The following PCDHGA12 variants were observed in gnomAD, a reference collection of about 807,000 sequenced individuals.
PCDHGA12 encodes the protein protocadherin gamma-A12.
Under a neutral mutation model 61.1 loss-of-function variants are expected in PCDHGA12, and 43 were observed. The ratio of observed to expected loss-of-function variants is 0.70; its 90% CI spans 0.55 to 0.91. The LOEUF (loss-of-function observed/expected upper bound fraction) is 0.91, where lower values mean the gene tolerates loss of function less well. Ranked by LOEUF, PCDHGA12 falls within the 40% of genes least tolerant of loss-of-function variation. PCDHGA12 has a pLI of 0.00. For synonymous variants in PCDHGA12, 520 were observed against 542.9 expected (o/e 0.96, Z 0.59); for missense variants, 1,236 against 1,227.7 (o/e 1.01, Z -0.10).
intron 1 of PCDHGA12, among the ~76,000 whole-genome samples, chr5:141,454,731 G>T (rs1249851832): frequency 6.7e-6 from 1 of 150,262 alleles, no homozygotes; most frequent in Non-Finnish European, 1.5e-5. Context: ...ATATGTTATA[G>T]GATGAAAAGA....
rs1187072972 is a variant in PCDHGA12 at position 141,487,553 on chromosome 5, C to T, written c.2425-7254C>T. 4 of 1,614,050 alleles carry T rather than the reference C, an allele frequency of 2.5e-6. No individual in the cohort carries two copies. The African/African-American group carries it at 4.0e-5, about 16-fold the overall frequency. On this transcript the variant is annotated intron_variant, in intron 1 of 3. Coordinates refer to ENST00000252085, the MANE Select transcript of PCDHGA12 (RefSeq NM_003735.3). The surrounding 1 kb of genome is among the most constrained non-coding windows in gnomAD (Gnocchi z 5.0). ...CATGATGGTGAAGTCACCCAGTGCA[C>T]CTATGGCAGGGGAGCCTGTTCGCCC...
chr5:141,483,764 A>G (rs1170910094), intron 1 of PCDHGA12, among the ~76,000 whole-genome samples: 1 of 152,104 alleles, frequency 6.6e-6, no homozygotes, highest in East Asian at 1.9e-4. Context: ...AGGCTTGGAA[A>G]AATATTGGGG....
At chr5:141,454,931 C>T (rs2154564856) in intron 1 of PCDHGA12, among the ~76,000 whole-genome samples, 2 of 151,066 alleles carry the variant, frequency 1.3e-5, no homozygotes, top group South Asian at 4.2e-4. Context: ...CCTCAGCCTC[C>T]CGAGTAGCTG....
intron 2 of PCDHGA12, among the ~76,000 whole-genome samples, chr5:141,502,719 C>G (rs1242423173): frequency 1.3e-5 from 2 of 152,190 alleles, no homozygotes; most frequent in Non-Finnish European, 2.9e-5. Flanking sequence ...TCAGTGATTA[C>G]AAAGCGGTGA....
intron 1 of PCDHGA12, among the ~76,000 whole-genome samples, chr5:141,444,771 T>C (rs987549188): frequency 6.6e-6 from 1 of 152,246 alleles, no homozygotes; most frequent in African/African-American, 2.4e-5. Context: ...TTCTATATTC[T>C]TGATCATGTT....
At chr5:141,501,329 ACACAC>A (rs1562200854) in intron 2 of PCDHGA12, among the ~76,000 whole-genome samples, 2 of 148,226 alleles carry the variant, frequency 1.3e-5, no homozygotes, top group Non-Finnish European at 3.0e-5. Flanking sequence ...ACACACACAC[ACACAC>A]CCCAAACTCA....
intron 1 of PCDHGA12, among the ~76,000 whole-genome samples, chr5:141,471,778 A>T (rs2099264151): frequency 6.6e-6 from 1 of 152,244 alleles, no homozygotes; most frequent in Non-Finnish European, 1.5e-5. Flanking sequence ...TGAGTTTGAC[A>T]TTATGCTATG....
chr5:141,432,991 C>G lies in PCDHGA12; in HGVS notation c.2232C>G (p.Asp744Glu), dbSNP rs1269992849. ...CGGCGTCGCACTTTGTGGGCGTGGACGGGGTGCAGGCTTTCCTGCAGACCT... is the reference window on the plus strand; with the variant it reads ...CGGCGTCGCACTTTGTGGGCGTGGAGGGGGTGCAGGCTTTCCTGCAGACCT... ...GAPASHFVGV[D>E]GVQAFLQTYS... Residue 744 changes from aspartate (D) to glutamate (E), a missense_variant, in exon 1 of 4, where the codon GAC becomes GAG. Physicochemically the swap from Asp to Glu is conservative, Grantham distance 45 (BLOSUM62 2). Transcript: ENST00000252085. The surrounding 1 kb of genome is among the most constrained non-coding windows in gnomAD (Gnocchi z 6.0). The G allele has an allele frequency of 6.2e-7, 1 of 1,614,200 alleles. No homozygotes were observed. Among genetic ancestry groups the G allele is most frequent in the Admixed American group, 1.7e-5 (1 of 60,032 alleles).
At chr5:141,498,971 G>GGGAGGGAAGGAAGGAA (rs2099787588) in intron 2 of PCDHGA12, among the ~76,000 whole-genome samples, 1 of 110,970 alleles carries the variant, frequency 9.0e-6, no homozygotes, top group African/African-American at 3.6e-5. Flanking sequence ...GAGGGAGGGA[G>GGGAGGGAAGGAAGGAA]GGAAGGAAGG....
chr5:141,433,555 G>C (rs1434189062), intron 1 of PCDHGA12, among the ~76,000 whole-genome samples: 1 of 152,088 alleles, frequency 6.6e-6, no homozygotes, highest in African/African-American at 2.4e-5. Flanking sequence ...TTCTTTTCTG[G>C]CTGGGCGCGG....
At chr5:141,443,547 T>C (rs1210940890) in intron 1 of PCDHGA12, among the ~76,000 whole-genome samples, 2 of 152,192 alleles carry the variant, frequency 1.3e-5, no homozygotes, top group Non-Finnish European at 2.9e-5. Context: ...TGGGAAATTG[T>C]TCCAATTCAA....
intron 1 of PCDHGA12, among the ~76,000 whole-genome samples, chr5:141,492,409 C>T (rs1367119266): frequency 6.6e-6 from 1 of 152,230 alleles, no homozygotes. Context: ...TCCCCTCTGC[C>T]GCTCCCTCCG....
chr5:141,480,241 A>C (rs895691864), intron 1 of PCDHGA12, among the ~76,000 whole-genome samples: 58 of 97,306 alleles, frequency 6.0e-4, no homozygotes, highest in African/African-American at 2.2e-3. Context: ...CTGTCTCTAC[A>C]AAAAAAAAAA....
chr5:141,431,617 C>A lies in PCDHGA12; in HGVS notation c.858C>A (p.Asp286Glu). ...EVRYSFRYVD[D>E]KAAQVFKLDC... ...GGTATTCCTTCCGGTATGTGGACGA[C>A]AAGGCGGCCCAAGTTTTCAAACTAG... The change falls in exon 1 of 4, where the codon GAC becomes GAA. Residue 286 changes from aspartate to glutamate, a missense_variant. Asp to Glu is a conservative substitution (Grantham distance 45). Coordinates refer to ENST00000252085, the MANE Select transcript of PCDHGA12 (RefSeq NM_003735.3). This position sits in a 1 kb window ranked among gnomAD's most constrained non-coding sequence, Gnocchi z 4.8. 6.2e-7 allele frequency: 1 copy of A among 1,614,236 alleles called. No homozygotes were observed. Among genetic ancestry groups the A allele is most frequent in the Non-Finnish European group, 8.5e-7 (1 of 1,180,044 alleles).
In PCDHGA12 at chr5:141,511,286, G is replaced by A. The variant is rs1231704933; in HGVS notation, c.*113G>A. On this transcript the variant is annotated 3_prime_UTR_variant, in exon 4 of 4. Coordinates refer to ENST00000252085, the MANE Select transcript of PCDHGA12 (RefSeq NM_003735.3). The stretch of plus-strand genomic sequence containing the variant: ...GGCTAACCCCCAGAATACTGGTAGG[G>A]GCCAAGGCCATGCTCCCCTTGGGAA... 2 of 1,520,242 alleles carry A rather than the reference G, an allele frequency of 1.3e-6. No individual in the cohort carries two copies. The allele number at this position is 1,520,242 out of a possible 1,614,324, so 94.2% of individuals were successfully genotyped here.
At position 141,476,326 on chromosome 5, in the gene PCDHGA12, T is replaced by A. The variant is rs752845438; in HGVS notation, c.2425-18481T>A. Reference sequence around the variant, plus strand: ...CAGCCCGCAGGTTCCGGGTGGTGTCTGGAGCTAGCCGAAGATTCTTTGAGG... The same window carrying A: ...CAGCCCGCAGGTTCCGGGTGGTGTCAGGAGCTAGCCGAAGATTCTTTGAGG... On this transcript the variant is annotated intron_variant, in intron 1 of 3. Coordinates refer to ENST00000252085, the MANE Select transcript of PCDHGA12 (RefSeq NM_003735.3). This position sits in a 1 kb window ranked among gnomAD's most constrained non-coding sequence, Gnocchi z 7.6. The A allele has an allele frequency of 6.2e-7, 1 of 1,614,120 alleles. No individual in the cohort carries two copies. Among genetic ancestry groups the A allele is most frequent in the Non-Finnish European group, 8.5e-7 (1 of 1,180,034 alleles).
At chr5:141,495,910 A>C (rs2154591812) in intron 2 of PCDHGA12, among the ~76,000 whole-genome samples, 1 of 151,278 alleles carries the variant, frequency 6.6e-6, no homozygotes, top group East Asian at 1.9e-4. Flanking sequence ...GTCTCTGTAT[A>C]TCTTTCTTTG....
chr5:141,436,193 A>G (rs2097801112), intron 1 of PCDHGA12, among the ~76,000 whole-genome samples: 1 of 152,156 alleles, frequency 6.6e-6, no homozygotes, highest in South Asian at 2.1e-4. Flanking sequence ...AAATAGAAAG[A>G]AAGACATAAT....
At chr5:141,502,862 CTGTCT>C (rs2099816366) in intron 2 of PCDHGA12, among the ~76,000 whole-genome samples, 2 of 68,560 alleles carry the variant, frequency 2.9e-5, no homozygotes, top group Admixed American at 3.3e-4. Flanking sequence ...CCCTGACTCT[CTGTCT>C]TTTTTTTTTT....
Sources: allele counts gnomAD v4.1 joint callset (sites outside exome capture counted in the v4.1 genomes callset), GRCh38; gene constraint gnomAD v4.1.1; non-coding constraint Gnocchi (gnomAD v3.1); transcripts MANE v1.5; gene names NCBI Gene and HGNC (gene_info 2026-07-23, HGNC 2026-07-21).